The following SHANK2 variants were observed in gnomAD, a reference collection of about 807,000 sequenced individuals.
SHANK2 encodes SH3 and multiple ankyrin repeat domains 2, also known as SH3 and multiple ankyrin repeat domains protein 2.
A neutral mutation model predicts 133.7 loss-of-function variants in SHANK2; 43 were observed. That is an observed-to-expected ratio of 0.32 (90% CI 0.25 to 0.41). SHANK2 has a LOEUF of 0.41. Ranked by LOEUF, SHANK2 falls within the 10% of genes least tolerant of loss-of-function variation. The probability of loss-of-function intolerance (pLI) is 1.00; values close to 1 mark genes in which losing one functional copy is unlikely to be tolerated. For synonymous variants in SHANK2, 1,017 were observed against 952.8 expected, an observed-to-expected ratio of 1.07 and a Z score of -1.24; for missense variants, 1,994 against 2,235.8, an observed-to-expected ratio of 0.89 and a Z score of 2.18.
intron 10 of SHANK2, chr11:70,933,149 T>C (rs1555082794): frequency 4.4e-6 from 2 of 456,602 alleles, no homozygotes; most frequent in Non-Finnish European, 8.8e-6. Context: ...GAACAAAGTG[T>C]GGTGCATCCA....
intron 17 of SHANK2, among the ~76,000 whole-genome samples, chr11:70,581,584 G>A (rs1022634877): frequency 6.6e-6 from 1 of 152,182 alleles, no homozygotes; most frequent in Non-Finnish European, 1.5e-5. Context: ...CCAGCTACTC[G>A]GGAGGCTGAG....
intron 22 of SHANK2, among the ~76,000 whole-genome samples, chr11:70,491,037 A>T (rs2058879986): frequency 6.6e-6 from 1 of 152,122 alleles, no homozygotes; most frequent in African/African-American, 2.4e-5. Flanking sequence ...AGGAGCCTAG[A>T]GCTCCCCTCC....
At chr11:70,795,737 G>A (rs1947895892) in intron 14 of SHANK2, among the ~76,000 whole-genome samples, 1 of 152,218 alleles carries the variant, frequency 6.6e-6, no homozygotes, top group Non-Finnish European at 1.5e-5. Context: ...AGTGGAAGAA[G>A]AGGAGGCAGA....
intron 13 of SHANK2, among the ~76,000 whole-genome samples, chr11:70,799,409 A>G (rs143208011): frequency 0.012 from 1,866 of 152,216 alleles, 46 homozygotes; most frequent in East Asian, 0.072. Flanking sequence ...TCTCAAAAAA[A>G]AAAGAAAGAA....
At chr11:70,814,410 C>G (rs1241336065) in intron 12 of SHANK2, among the ~76,000 whole-genome samples, 1 of 152,122 alleles carries the variant, frequency 6.6e-6, no homozygotes, top group Non-Finnish European at 1.5e-5. Flanking sequence ...GCCCAGCCAC[C>G]CCCACTTTCT....
chr11:70,755,779 C>G (rs564922371), intron 14 of SHANK2, among the ~76,000 whole-genome samples: 3 of 152,226 alleles, frequency 2.0e-5, no homozygotes, highest in African/African-American at 4.8e-5. Flanking sequence ...GGGAAGACAC[C>G]GCGCCAGCAG....
rs984928572 is a variant in SHANK2 at position 70,842,762 on chromosome 11, G to C, written c.1175-22080C>G. On this transcript the variant is annotated intron_variant, in intron 11 of 25. Transcript: ENST00000601538. ...AGGAGACACTGCTGGAGGCTCCCAGGGGGGTGGGAGGCAGCACGCAGGGTC... is the reference window on the plus strand; with the variant it reads ...AGGAGACACTGCTGGAGGCTCCCAGCGGGGTGGGAGGCAGCACGCAGGGTC... 5.3e-5 allele frequency among the ~76,000 whole-genome samples: 8 copies of C among 152,284 alleles called. No individual in the cohort carries two copies. In the East Asian group the frequency reaches 5.8e-4, roughly 11 times the overall value.
chr11:71,229,522 C>A (rs1954701006), intron 1 of SHANK2, among the ~76,000 whole-genome samples: 1 of 152,078 alleles, frequency 6.6e-6, no homozygotes. Context: ...GTAATCCCAG[C>A]ACTTCTGGGA....
chr11:70,842,254 T>C (rs982018438), intron 11 of SHANK2, among the ~76,000 whole-genome samples: 1 of 152,234 alleles, frequency 6.6e-6, no homozygotes, highest in Non-Finnish European at 1.5e-5. Context: ...GGTTTTGCCT[T>C]CCCTTGACTT....
At chr11:70,484,264 G>T (rs2058772592) in intron 25 of SHANK2, among the ~76,000 whole-genome samples, 1 of 152,224 alleles carries the variant, frequency 6.6e-6, no homozygotes, top group African/African-American at 2.4e-5. Flanking sequence ...AGTCTCCAGT[G>T]TTGGAGGAGG....
chr11:71,065,828 G>GC (rs1951047527), intron 9 of SHANK2, among the ~76,000 whole-genome samples: 1 of 114,110 alleles, frequency 8.8e-6, no homozygotes, highest in African/African-American at 3.6e-5. Context: ...GGGAAGTTGG[G>GC]GGCGGGGCAT....
chr11:70,509,447 G>A (rs1029811670), intron 17 of SHANK2, among the ~76,000 whole-genome samples: 1 of 152,248 alleles, frequency 6.6e-6, no homozygotes, highest in African/African-American at 2.4e-5. Flanking sequence ...CCATTGAGGG[G>A]GGGCTCCCAG....
Position 70,807,771 on chromosome 11 carries a change from G to A in SHANK2, c.1494-600C>T, listed in dbSNP as rs782006666. On this transcript the variant is annotated intron_variant, in intron 12 of 25. Transcript: ENST00000601538. This position sits in a 1 kb window ranked among gnomAD's most constrained non-coding sequence, Gnocchi z 4.8. Reference sequence around the variant, plus strand: ...CTTAAACCTGGGAGGCGGAGGTTGCGGTGAGCCAAGACTGCACCATTGCAC... The same window carrying A: ...CTTAAACCTGGGAGGCGGAGGTTGCAGTGAGCCAAGACTGCACCATTGCAC... Among the ~76,000 whole-genome samples, 1 of 151,996 alleles carries A rather than the reference G, an allele frequency of 6.6e-6. No homozygotes were observed. Among genetic ancestry groups the A allele is most frequent in the Non-Finnish European group, 1.5e-5 (1 of 67,998 alleles).
At chr11:70,831,751 G>C (rs113629209) in intron 11 of SHANK2, among the ~76,000 whole-genome samples, 3,163 of 152,384 alleles carry the variant, frequency 0.021, 55 homozygotes, top group Non-Finnish European at 0.029. Flanking sequence ...ATGCCAGCAA[G>C]ACTCAGAGGT....
intron 4 of SHANK2, among the ~76,000 whole-genome samples, chr11:71,115,329 C>T (rs1555100133): frequency 1.3e-5 from 2 of 152,000 alleles, no homozygotes; most frequent in East Asian, 1.9e-4. Flanking sequence ...ATTAGCTGGG[C>T]GTGGTGGTGG....
intron 14 of SHANK2, among the ~76,000 whole-genome samples, chr11:70,756,037 T>A (rs1946866795): frequency 6.6e-6 from 1 of 152,092 alleles, no homozygotes; most frequent in Non-Finnish European, 1.5e-5. Context: ...GCCTCTGTGA[T>A]CTTGCGGAGA....
At chr11:71,184,809 C>T (rs1023441427) in intron 2 of SHANK2, among the ~76,000 whole-genome samples, 1 of 152,208 alleles carries the variant, frequency 6.6e-6, no homozygotes, top group African/African-American at 2.4e-5. Flanking sequence ...GCTCAGAGTC[C>T]ATTTGTTCTT....
At chr11:70,508,275 C>A (rs782661782) in intron 17 of SHANK2, among the ~76,000 whole-genome samples, 2 of 152,216 alleles carry the variant, frequency 1.3e-5, no homozygotes, top group Admixed American at 6.5e-5. Context: ...GAACCCATCC[C>A]AACCTTCCGC....
At position 70,794,924 on chromosome 11, in the gene SHANK2, T is replaced by A. The variant is rs533038513; in HGVS notation, c.1777+3519A>T. ...GGTATATACATTTGTCAAAATGCAC[T>A]GAACTAGATTTTTCTTATAATCTGT... is the stretch of plus-strand genomic sequence containing the variant. On this transcript the variant is annotated intron_variant, in intron 14 of 25. Coordinates refer to ENST00000601538, the MANE Select transcript of SHANK2 (RefSeq NM_012309.5). 1.3e-4 allele frequency among the ~76,000 whole-genome samples: 20 copies of A among 152,298 alleles called. No individual in the cohort carries two copies. In the South Asian group the frequency reaches 1.4e-3, roughly 11 times the overall value.
Sources: gnomAD v4.1 joint callset for allele counts (sites outside exome capture counted in the v4.1 genomes callset) on GRCh38, gnomAD v4.1.1 for gene constraint, Gnocchi (gnomAD v3.1) non-coding constraint, MANE v1.5 for transcripts, NCBI Gene and HGNC (gene_info 2026-07-23, HGNC 2026-07-21) for gene names.